RARA: variants seen among roughly 807,000 people sequenced by gnomAD.
RARA encodes the protein retinoic acid receptor alpha.
Under a neutral mutation model 42.8 loss-of-function variants are expected in RARA, and 5 were observed. That is an observed-to-expected ratio of 0.12 (90% CI 0.06 to 0.25). The LOEUF (loss-of-function observed/expected upper bound fraction) is 0.25. RARA is among the 10% of genes least tolerant of loss of function. RARA has a pLI of 1.00. For missense variants in RARA, 402 were observed against 628.7 expected (o/e 0.64, Z 3.86); for synonymous variants, 256 against 259.5 (o/e 0.99, Z 0.13).
At position 40,355,928 on chromosome 17, in the gene RARA, C is replaced by A; in HGVS notation, c.1172-81C>A. 1 of 1,254,722 alleles carries A rather than the reference C, an allele frequency of 8.0e-7. No individual in the cohort carries two copies. The highest frequency in any genetic ancestry group is 1.1e-6 in the Non-Finnish European group (1 of 902,916). The allele number at this position is 1,254,722 out of a possible 1,614,324, so 77.7% of individuals were successfully genotyped here. On this transcript the variant is annotated intron_variant, in intron 8 of 8. Coordinates refer to ENST00000254066, the MANE Select transcript of RARA (RefSeq NM_000964.4). This position sits in a 1 kb window ranked among gnomAD's most constrained non-coding sequence, Gnocchi z 4.1. ...GCTAATATCAGCAGTATTGATCTTC[C>A]CACCTCGAGCCAGGCTTGCTGGGGC...
Position 40,352,348 on chromosome 17 carries a change from A to G in RARA, c.648A>G (p.Gln216=), listed in dbSNP as rs1277814930. The G allele has an allele frequency of 1.2e-6, 2 of 1,608,666 alleles. No individual in the cohort carries two copies. The highest frequency in any genetic ancestry group is 4.5e-5 in the East Asian group (2 of 44,634). The change falls in exon 6 of 9, where the codon CAA becomes CAG. Residue 216 remains glutamine, a synonymous_variant. Coordinates refer to ENST00000254066, the MANE Select transcript of RARA (RefSeq NM_000964.4). The surrounding 1 kb of genome is among the most constrained non-coding windows in gnomAD (Gnocchi z 4.9). ...TCCCCCAGAACAACAGCTCAGAACA[A>G]CGTGTCTCTCTGGACATTGACCTCT... ...GKYTTNNSSE[Q]RVSLDIDLWD...
intron 2 of RARA, chr17:40,343,126 G>C (rs2034133977): frequency 5.6e-6 from 3 of 535,688 alleles, no homozygotes; most frequent in African/African-American, 2.0e-5. Context: ...TTCATCTCTT[G>C]TTTCACTTCT....
Position 40,326,055 on chromosome 17 carries a change from C to T in RARA, c.-362-4802C>T, listed in dbSNP as rs1030601186. On this transcript the variant is annotated intron_variant, in intron 1 of 8. Coordinates refer to ENST00000254066, the MANE Select transcript of RARA (RefSeq NM_000964.4). The surrounding 1 kb of genome is among the most constrained non-coding windows in gnomAD (Gnocchi z 5.2). ...TGTGGTCAGGCCTCCACCCACACCC[C>T]GAATATCCCTTTCCCCACATCCCTC... is the stretch of plus-strand genomic sequence containing the variant. 2.6e-5 allele frequency among the ~76,000 whole-genome samples: 4 copies of T among 152,230 alleles called. No individual in the cohort carries two copies. Among genetic ancestry groups the T allele is most frequent in the East Asian group, 1.9e-4 (1 of 5,204 alleles).
rs1216414264 is a variant in RARA, at chr17:40,352,351, T to A, written c.651T>A (p.Arg217=). ...CCCAGAACAACAGCTCAGAACAACG[T>A]GTCTCTCTGGACATTGACCTCTGGG... ...KYTTNNSSEQ[R]VSLDIDLWDK... is the part of the protein sequence containing the mutation. Residue 217 remains arginine, a synonymous_variant, in exon 6 of 9, where the codon CGT becomes CGA. Transcript: ENST00000254066. This position sits in a 1 kb window ranked among gnomAD's most constrained non-coding sequence, Gnocchi z 4.9. The A allele has an allele frequency of 2.5e-6, 4 of 1,609,348 alleles. No individual in the cohort carries two copies. The highest frequency in any genetic ancestry group is 3.4e-6 in the Non-Finnish European group (4 of 1,176,980).
intron 2 of RARA, among the ~76,000 whole-genome samples, chr17:40,335,598 G>C (rs977526474): frequency 4.6e-5 from 7 of 152,146 alleles, no homozygotes; most frequent in African/African-American, 1.7e-4. Context: ...GCTGAGGCTA[G>C]AGAATCGCTT....
intron 3 of RARA, chr17:40,349,572 C>G (rs2586116): frequency 0.2 from 113,776 of 570,846 alleles, 13,609 homozygotes; most frequent in Non-Finnish European, 0.25. Flanking sequence ...CCTGCCCATC[C>G]TGCAGTGTTG....
chr17:40,357,528 C>T lies in RARA; in HGVS notation c.*1302C>T. 1 of 232,814 alleles carries T rather than the reference C, an allele frequency of 4.3e-6. No homozygotes were observed. Among genetic ancestry groups the T allele is most frequent in the Non-Finnish European group, 8.5e-6 (1 of 117,792 alleles). The allele number at this position is 232,814 out of a possible 1,614,324, so 14.4% of individuals were successfully genotyped here. On this transcript the variant is annotated 3_prime_UTR_variant, in exon 9 of 9. Coordinates refer to ENST00000254066, the MANE Select transcript of RARA (RefSeq NM_000964.4). ...CCCAGCTGGGGGAGCTGGCTCTGCC[C>T]CGACCTCCTTCACCAGGGGTTGGGG...
intron 1 of RARA, among the ~76,000 whole-genome samples, chr17:40,323,729 C>T (rs2033457203): frequency 1.0e-5 from 1 of 99,500 alleles, no homozygotes; most frequent in Admixed American, 1.3e-4. Context: ...TAGGAAGTTG[C>T]TTGGGGGGGG....
chr17:40,329,273 G>A (rs1188387553), intron 1 of RARA, among the ~76,000 whole-genome samples: 1 of 150,834 alleles, frequency 6.6e-6, no homozygotes, highest in Non-Finnish European at 1.5e-5. Flanking sequence ...ACAGGCATGT[G>A]CCACCACGCC....
At chr17:40,335,780 A>G (rs1243370961) in intron 2 of RARA, among the ~76,000 whole-genome samples, 3 of 152,026 alleles carry the variant, frequency 2.0e-5, no homozygotes, top group Admixed American at 1.3e-4. Context: ...AGGCTGAGGT[A>G]GGGACTTCAG....
chr17:40,309,577 C>T (rs1478674538), intron 1 of RARA, among the ~76,000 whole-genome samples: 1 of 152,188 alleles, frequency 6.6e-6, no homozygotes. Context: ...CTTGCACCCT[C>T]CTTTGCGGTA....
chr17:40,320,319 C>A lies in RARA; in HGVS notation c.-362-10538C>A, dbSNP rs765055379. On this transcript the variant is annotated intron_variant, in intron 1 of 8. Transcript: ENST00000254066. This position sits in a 1 kb window ranked among gnomAD's most constrained non-coding sequence, Gnocchi z 4.1. ...TTTTTAGTCCCCTTCCTACTCCCAA[C>A]CTTGAGGCAGCCTGGCAGGAAGCCA... Among the ~76,000 whole-genome samples the A allele has an allele frequency of 2.6e-5, 4 of 152,154 alleles. No homozygotes were observed. The highest frequency in any genetic ancestry group is 1.5e-5 in the Non-Finnish European group (1 of 68,030).
At chr17:40,314,224 G>A (rs893392346) in intron 1 of RARA, among the ~76,000 whole-genome samples, 2 of 151,016 alleles carry the variant, frequency 1.3e-5, no homozygotes, top group Admixed American at 6.6e-5. Context: ...GGGATTGGGT[G>A]ACAGCCCACC....
At chr17:40,342,845 G>A (rs972099685) in intron 2 of RARA, 15 of 1,612,828 alleles carry the variant, frequency 9.3e-6, no homozygotes, top group African/African-American at 1.3e-5. Flanking sequence ...TCCGGACTCC[G>A]CTTTGGAATG....
At position 40,354,313 on chromosome 17, in the gene RARA, C is replaced by T. The variant is rs2034543141; in HGVS notation, c.819C>T (p.Ile273=). The part of the protein sequence containing the change: ...AACLDILILR[I]CTRYTPEQDT... ...TCCTCTGCACCCAGATCCTGCGGAT[C>T]TGCACGCGGTACACGCCCGAGCAGG... The change falls in exon 7 of 9, where the codon ATC becomes ATT. Residue 273 remains isoleucine, a synonymous_variant. Coordinates refer to ENST00000254066, the MANE Select transcript of RARA (RefSeq NM_000964.4). This position sits in a 1 kb window ranked among gnomAD's most constrained non-coding sequence, Gnocchi z 4.5. 6.2e-7 allele frequency: 1 copy of T among 1,614,138 alleles called. No homozygotes were observed. Among genetic ancestry groups the T allele is most frequent in the Non-Finnish European group, 8.5e-7 (1 of 1,180,012 alleles).
In RARA at chr17:40,352,082, C is replaced by T. The variant is rs1300905166; in HGVS notation, c.630+12C>T. ...GCAAATACACTACGGTATGGCTTTC[C>T]CCCGGCCTGCAGGGTGGGATTTGCC... On this transcript the variant is annotated intron_variant, in intron 5 of 8. Transcript: ENST00000254066. This position sits in a 1 kb window ranked among gnomAD's most constrained non-coding sequence, Gnocchi z 4.9. The T allele has an allele frequency of 6.4e-7, 1 of 1,551,066 alleles. No individual in the cohort carries two copies. The highest frequency in any genetic ancestry group is 1.2e-5 in the South Asian group (1 of 82,016).
intron 2 of RARA, chr17:40,341,350 C>G (rs1208586778): frequency 1.4e-6 from 2 of 1,435,226 alleles, no homozygotes; most frequent in African/African-American, 3.0e-5. Flanking sequence ...GCCAACAGCA[C>G]CCGCGCTGCC....
chr17:40,336,102 G>A (rs2033841841), intron 2 of RARA, among the ~76,000 whole-genome samples: 1 of 152,192 alleles, frequency 6.6e-6, no homozygotes, highest in Non-Finnish European at 1.5e-5. Flanking sequence ...TTGAGACGGA[G>A]TCCTGCTCTG....
At position 40,320,409 on chromosome 17, in the gene RARA, G is replaced by A. The variant is rs773015339; in HGVS notation, c.-362-10448G>A. Among the ~76,000 whole-genome samples the A allele has an allele frequency of 1.3e-5, 2 of 152,148 alleles. No individual in the cohort carries two copies. The highest frequency in any genetic ancestry group is 2.4e-5 in the African/African-American group (1 of 41,430). ...CCGCTGGGCACAGTCACCCACACAT[G>A]CCATGACGTGGTTCCTGCCACCCCA... On this transcript the variant is annotated intron_variant, in intron 1 of 8. Coordinates refer to ENST00000254066, the MANE Select transcript of RARA (RefSeq NM_000964.4). The surrounding 1 kb of genome is among the most constrained non-coding windows in gnomAD (Gnocchi z 4.1).
Sources: allele counts gnomAD v4.1 joint callset (sites outside exome capture counted in the v4.1 genomes callset), GRCh38; gene constraint gnomAD v4.1.1; non-coding constraint Gnocchi (gnomAD v3.1); transcripts MANE v1.5; gene names NCBI Gene and HGNC (gene_info 2026-07-23, HGNC 2026-07-21).